SLC16A12: variants seen among roughly 807,000 people sequenced by gnomAD.
The protein encoded by SLC16A12 is monocarboxylate transporter 12.
Under a neutral mutation model 42.4 loss-of-function variants are expected in SLC16A12, and 17 were observed. That is an observed-to-expected ratio of 0.40 (90% CI 0.27 to 0.60). The LOEUF (loss-of-function observed/expected upper bound fraction) is 0.60, where lower values mean the gene tolerates loss of function less well. Ranked by LOEUF, SLC16A12 falls within the 20% of genes least tolerant of loss-of-function variation. The pLI, the probability that SLC16A12 is intolerant of heterozygous loss-of-function variation, is 0.42. For synonymous variants in SLC16A12, 224 were observed against 229.4 expected (o/e 0.98, Z 0.21); for missense variants, 544 against 623.0 (o/e 0.87, Z 1.35).
intron 6 of SLC16A12, among the ~76,000 whole-genome samples, chr10:89,436,840 A>C (rs1265570995): frequency 1.4e-5 from 2 of 140,338 alleles, no homozygotes; most frequent in Admixed American, 1.4e-4. Context: ...GGAAATAAGG[A>C]GAAAGAAAGA....
chr10:89,517,262 T>C (rs1420276539), intron 2 of SLC16A12, among the ~76,000 whole-genome samples: 1 of 151,910 alleles, frequency 6.6e-6, no homozygotes, highest in African/African-American at 2.4e-5. Context: ...GTTTATTGAG[T>C]TCCATGGGGG....
chr10:89,505,227 T>C (rs1210825282), intron 2 of SLC16A12, among the ~76,000 whole-genome samples: 2 of 152,006 alleles, frequency 1.3e-5, no homozygotes, highest in Non-Finnish European at 2.9e-5. Flanking sequence ...CCATCCTGGC[T>C]AACATGGTGA....
At chr10:89,538,453 C>T (rs1843693925), upstream of SLC16A12, among the ~76,000 whole-genome samples, 1 of 152,188 alleles carries the variant, frequency 6.6e-6, no homozygotes, top group Non-Finnish European at 1.5e-5. Context: ...CTTTCAAGTG[C>T]TTCACTCCAA....
intron 2 of SLC16A12, among the ~76,000 whole-genome samples, chr10:89,531,254 C>T (rs1416823767): frequency 6.6e-6 from 1 of 151,802 alleles, no homozygotes; most frequent in Non-Finnish European, 1.5e-5. Flanking sequence ...CAAAAATTAG[C>T]CAGGCATGGT....
At chr10:89,556,135 T>C (rs1421483043) in intron 1 of SLC16A12, among the ~76,000 whole-genome samples, 1 of 152,160 alleles carries the variant, frequency 6.6e-6, no homozygotes, top group Non-Finnish European at 1.5e-5. Flanking sequence ...GATCAATGTA[T>C]TGACAGCTTT....
At position 89,527,326 on chromosome 10, in the gene SLC16A12, T is replaced by C. The variant is rs901575327; in HGVS notation, c.-47+7175A>G. ...GGTGAAACCCCGTCTCTACTAAAAA[T>C]ACAAAAATTAGCCGGGTGTGGTGGC... On this transcript the variant is annotated intron_variant, in intron 2 of 7. Transcript: ENST00000371790. Among the ~76,000 whole-genome samples the C allele has an allele frequency of 5.9e-5, 9 of 151,790 alleles. No homozygotes were observed. In the East Asian group the frequency reaches 1.4e-3, roughly 23 times the overall value.
intron 2 of SLC16A12, among the ~76,000 whole-genome samples, chr10:89,486,656 AAAGAAAGAAAAGAAAGAAAG>A (rs1564585952): frequency 8.7e-6 from 1 of 115,372 alleles, no homozygotes; most frequent in East Asian, 3.1e-4. Flanking sequence ...AGAAAGAAAG[AAAGAAAGAAAAGAAAGAAAG>A]AAAGAAAAGA....
At chr10:89,497,603 A>G (rs1428387024) in intron 2 of SLC16A12, among the ~76,000 whole-genome samples, 3 of 152,196 alleles carry the variant, frequency 2.0e-5, no homozygotes, top group Non-Finnish European at 4.4e-5. Context: ...CCCTAAACCT[A>G]CATAGCAGGT....
At chr10:89,457,457 T>C (rs985243341) in intron 3 of SLC16A12, among the ~76,000 whole-genome samples, 3 of 152,168 alleles carry the variant, frequency 2.0e-5, no homozygotes, top group Non-Finnish European at 2.9e-5. Flanking sequence ...AGAATGGTGA[T>C]TATTAAAAAG....
rs117037808 is a variant in SLC16A12 at position 89,449,851 on chromosome 10, T to A, written c.201-5992A>T. 3.0e-3 allele frequency among the ~76,000 whole-genome samples: 461 copies of A among 152,208 alleles called. 18 individuals are homozygous for A. In the East Asian group the frequency reaches 0.074, roughly 24 times the overall value. On this transcript the variant is annotated intron_variant, in intron 3 of 7. Transcript: ENST00000371790. ...GCAGAATGTGAGAAAATTTTTGCAA[T>A]CCAGTCATCTGACAAACGGCTAATA...
In SLC16A12 at chr10:89,438,912, A is replaced by G; in HGVS notation, c.720T>C (p.His240=). Residue 240 remains histidine, a synonymous_variant, in exon 6 of 8, where the codon CAT becomes CAC. Transcript: ENST00000371790. The part of the protein sequence containing the change: ...KEDHTTPEQN[H]VCRTQKEDIK... ...TGTCTTCTTTCTGAGTTCTACACAC[A>G]TGGTTCTGCTCTGGAGTTGTGTGGT... The G allele has an allele frequency of 6.2e-7, 1 of 1,614,176 alleles. No homozygotes were observed. The highest frequency in any genetic ancestry group is 8.5e-7 in the Non-Finnish European group (1 of 1,180,026).
intron 3 of SLC16A12, among the ~76,000 whole-genome samples, chr10:89,449,170 T>C (rs1001728448): frequency 3.3e-5 from 5 of 152,170 alleles, no homozygotes; most frequent in African/African-American, 1.2e-4. Flanking sequence ...AACTTGAAAA[T>C]GGCCATACTG....
At chr10:89,506,743 G>A (rs1292171979) in intron 2 of SLC16A12, among the ~76,000 whole-genome samples, 2 of 152,108 alleles carry the variant, frequency 1.3e-5, no homozygotes, top group Non-Finnish European at 2.9e-5. Flanking sequence ...ATTGACAGAA[G>A]TAGGCTTCAG....
intron 2 of SLC16A12, among the ~76,000 whole-genome samples, chr10:89,518,533 T>C (rs1378331976): frequency 6.6e-6 from 1 of 152,206 alleles, no homozygotes; most frequent in Non-Finnish European, 1.5e-5. Flanking sequence ...GAGGGAGCAG[T>C]ATCTCCTTTA....
intron 2 of SLC16A12, among the ~76,000 whole-genome samples, chr10:89,541,178 G>A (rs962800434): frequency 4.6e-5 from 7 of 151,448 alleles, no homozygotes; most frequent in East Asian, 2.0e-4. Flanking sequence ...CGCCCGCCTC[G>A]GCCTCCCAAA....
At chr10:89,460,212 G>C (rs865827081) in intron 3 of SLC16A12, among the ~76,000 whole-genome samples, 1 of 152,116 alleles carries the variant, frequency 6.6e-6, no homozygotes, top group Non-Finnish European at 1.5e-5. Flanking sequence ...AATGATGGAA[G>C]CTTCTATATG....
intron 2 of SLC16A12, among the ~76,000 whole-genome samples, chr10:89,511,840 C>G (rs1843166743): frequency 6.6e-6 from 1 of 152,148 alleles, no homozygotes; most frequent in South Asian, 2.1e-4. Context: ...AAAGCCAGGA[C>G]TCAAACAAAT....
upstream of SLC16A12, among the ~76,000 whole-genome samples, chr10:89,537,027 C>T (rs559245285): frequency 2.9e-4 from 44 of 151,714 alleles, no homozygotes; most frequent in African/African-American, 1.1e-3. Context: ...TTGGTAGAGA[C>T]GGGATTTCAC....
intron 2 of SLC16A12, among the ~76,000 whole-genome samples, chr10:89,552,079 G>A (rs1361697678): frequency 6.6e-6 from 1 of 152,074 alleles, no homozygotes; most frequent in Non-Finnish European, 1.5e-5. Context: ...AGGACTACAG[G>A]TGCGTGCCAC....
Sources: gnomAD v4.1 joint callset for allele counts (sites outside exome capture counted in the v4.1 genomes callset) on GRCh38, gnomAD v4.1.1 for gene constraint, MANE v1.5 for transcripts, NCBI Gene and HGNC (gene_info 2026-07-23, HGNC 2026-07-21) for gene names.